Variants in SMAD3 observed in about 807,000 individuals in gnomAD.
SMAD3 encodes MAD homolog 3.
Under a neutral mutation model 51.8 loss-of-function variants are expected in SMAD3, and 12 were observed. That is an observed-to-expected ratio of 0.23 (90% CI 0.15 to 0.38). The LOEUF (loss-of-function observed/expected upper bound fraction) is 0.38. SMAD3 is among the 10% of genes least tolerant of loss of function. The probability of loss-of-function intolerance (pLI) is 1.00; values close to 1 mark genes in which losing one functional copy is unlikely to be tolerated. For missense variants in SMAD3, 294 were observed against 565.6 expected, an observed-to-expected ratio of 0.52 and a Z score of 4.87; for synonymous variants, 238 against 227.7, an observed-to-expected ratio of 1.05 and a Z score of -0.41.
At chr15:67,168,457 T>C (rs1962652485) in intron 4 of SMAD3, among the ~76,000 whole-genome samples, 1 of 152,236 alleles carries the variant, frequency 6.6e-6, no homozygotes. Context: ...AGCTATTCAG[T>C]GCAGGCGTGG....
intron 1 of SMAD3, among the ~76,000 whole-genome samples, chr15:67,068,047 C>T (rs1421531619): frequency 1.3e-5 from 2 of 152,098 alleles, no homozygotes; most frequent in Non-Finnish European, 2.9e-5. Flanking sequence ...GTAAAACAGG[C>T]AGCTGTGAAA....
intron 5 of SMAD3, among the ~76,000 whole-genome samples, chr15:67,180,596 C>T (rs1295207029): frequency 6.6e-6 from 1 of 151,010 alleles, no homozygotes; most frequent in Non-Finnish European, 1.5e-5. Context: ...GCCCCAGGCT[C>T]AGTCTGCAGA....
At position 67,066,268 on chromosome 15, in the gene SMAD3, G is replaced by T; in HGVS notation, c.114G>T (p.Leu38=). ...GGTGCGAGAAGGCGGTCAAGAGCCT[G>T]GTCAAGAAACTCAAGAAGACGGGGC... is the stretch of plus-strand genomic sequence containing the variant. The part of the protein sequence containing the change: ...EKWCEKAVKS[L]VKKLKKTGQL... The change falls in exon 1 of 9, where the codon CTG becomes CTT. Residue 38 remains leucine, a synonymous_variant. Transcript: ENST00000327367. The T allele has an allele frequency of 6.2e-7, 1 of 1,613,786 alleles. No individual in the cohort carries two copies.
intron 1 of SMAD3, among the ~76,000 whole-genome samples, chr15:67,070,746 TA>T (rs2140193764): frequency 6.6e-6 from 1 of 151,380 alleles, no homozygotes; most frequent in East Asian, 1.9e-4. Context: ...TGTTAGGAAA[TA>T]AAATAATGAC....
At chr15:67,157,074 C>G (rs1962302005) in intron 1 of SMAD3, among the ~76,000 whole-genome samples, 1 of 151,904 alleles carries the variant, frequency 6.6e-6, no homozygotes, top group South Asian at 2.1e-4. Context: ...GTACCTGGCA[C>G]ATAGCAGCAG....
At chr15:67,114,438 T>A (rs1476302867) in intron 1 of SMAD3, among the ~76,000 whole-genome samples, 1 of 152,210 alleles carries the variant, frequency 6.6e-6, no homozygotes, top group Non-Finnish European at 1.5e-5. Context: ...CACCTTCAAC[T>A]GATTACATGT....
intron 1 of SMAD3, among the ~76,000 whole-genome samples, chr15:67,103,591 C>T (rs561186752): frequency 3.9e-5 from 6 of 152,302 alleles, no homozygotes; most frequent in African/African-American, 1.4e-4. Context: ...CTCACCCTCC[C>T]TGGGCTGCAG....
At chr15:67,166,032 C>A in intron 3 of SMAD3, 1 of 248,076 alleles carries the variant, frequency 4.0e-6, no homozygotes. Flanking sequence ...AATCCTGCTG[C>A]GTTCCTCTTA....
chr15:67,086,141 C>A (rs1306289691), intron 1 of SMAD3, among the ~76,000 whole-genome samples: 1 of 152,116 alleles, frequency 6.6e-6, no homozygotes, highest in East Asian at 1.9e-4. Flanking sequence ...CAGGCCCTTA[C>A]AAATGCCCAC....
Position 67,191,659 on chromosome 15 carries a change from C to G in SMAD3, c.*1123C>G. 1 of 232,810 alleles carries G rather than the reference C, an allele frequency of 4.3e-6. No individual in the cohort carries two copies. The highest frequency in any genetic ancestry group is 8.5e-6 in the Non-Finnish European group (1 of 117,678). 14.4% of individuals were successfully genotyped at this position (232,810 alleles called of 1,614,324 possible). A position where few individuals can be genotyped will look rare whatever the true frequency, so the allele number is the denominator to read the frequency against. ...TTTCCAGGTTTTGTTGAAGAGATAC[C>G]TGCCAGCACTTCTGCAAGCTGAAAT... On this transcript the variant is annotated 3_prime_UTR_variant, in exon 9 of 9. Transcript: ENST00000327367.
At chr15:67,100,355 C>G (rs1960723689) in intron 1 of SMAD3, among the ~76,000 whole-genome samples, 1 of 151,890 alleles carries the variant, frequency 6.6e-6, no homozygotes, top group African/African-American at 2.4e-5. Flanking sequence ...TAGTAGTTGC[C>G]AGGGATGGAG....
intron 1 of SMAD3, among the ~76,000 whole-genome samples, chr15:67,110,579 G>A (rs757488176): frequency 1.3e-5 from 2 of 152,156 alleles, no homozygotes; most frequent in Non-Finnish European, 2.9e-5. Context: ...GTTCCTTGCC[G>A]TGCAGATGCA....
At chr15:67,115,920 G>C (rs1257982566) in intron 1 of SMAD3, among the ~76,000 whole-genome samples, 1 of 152,292 alleles carries the variant, frequency 6.6e-6, no homozygotes, top group East Asian at 1.9e-4. Context: ...AAGACCAAAG[G>C]GTGGGTAGGA....
chr15:67,160,785 A>T, intron 1 of SMAD3, among the ~76,000 whole-genome samples: 1 of 10,574 alleles, frequency 9.5e-5, no homozygotes, highest in Non-Finnish European at 3.3e-4. Context: ...AAAAAAAAAA[A>T]AAAAAAAAAA....
intron 1 of SMAD3, among the ~76,000 whole-genome samples, chr15:67,118,780 G>T (rs1961192717): frequency 6.6e-6 from 1 of 152,170 alleles, no homozygotes; most frequent in East Asian, 1.9e-4. Flanking sequence ...TGCTGTCTTT[G>T]CCATGGTGCC....
rs763901509 is a variant in SMAD3 at position 67,165,370 on chromosome 15, A to G, written c.518A>G (p.Gln173Arg). The stretch of plus-strand genomic sequence containing the variant: ...AACTTCCCCGCAGGCATCGAGCCCC[A>G]GAGCAATATTCCAGGTAGGCACGTG... ...NTNFPAGIEP[Q>R]SNIPETPPPG... The change falls in exon 3 of 9, where the codon CAG becomes CGG. Residue 173 changes from glutamine (Q) to arginine (R), a missense_variant. Around this residue, in one of 3 missense-constraint regions of SMAD3, gnomAD observed 147 missense variants for 260.9 expected, o/e 0.56. Transcript: ENST00000327367. The G allele has an allele frequency of 6.2e-7, 1 of 1,614,158 alleles. No homozygotes were observed. The highest frequency in any genetic ancestry group is 8.5e-7 in the Non-Finnish European group (1 of 1,180,024).
intron 1 of SMAD3, among the ~76,000 whole-genome samples, chr15:67,114,353 A>G (rs1961090019): frequency 6.6e-6 from 1 of 152,154 alleles, no homozygotes; most frequent in Non-Finnish European, 1.5e-5. Flanking sequence ...ACCTACGGTT[A>G]TGTGTGGCGC....
At chr15:67,088,866 G>T (rs531090904) in intron 1 of SMAD3, among the ~76,000 whole-genome samples, 24 of 152,282 alleles carry the variant, frequency 1.6e-4, no homozygotes, top group African/African-American at 5.8e-4. Flanking sequence ...GGCAGAGGTT[G>T]CAGTGAGCTG....
chr15:67,132,177 C>T (rs1961541921), intron 1 of SMAD3, among the ~76,000 whole-genome samples: 1 of 152,174 alleles, frequency 6.6e-6, no homozygotes, highest in Non-Finnish European at 1.5e-5. Context: ...ACTGAGTCCT[C>T]AGCGATCAGC....
Sources: gnomAD v4.1 joint callset for allele counts (sites outside exome capture counted in the v4.1 genomes callset) on GRCh38, gnomAD v4.1.1 for gene constraint, gnomAD v4.1.1 regional missense constraint, MANE v1.5 for transcripts, NCBI Gene and HGNC (gene_info 2026-07-23, HGNC 2026-07-21) for gene names.